The following HS3ST4 variants were observed in gnomAD, a reference collection of about 807,000 sequenced individuals.
HS3ST4 encodes the protein heparan sulfate-glucosamine 3-sulfotransferase 4.
A neutral mutation model predicts 29.2 loss-of-function variants in HS3ST4; 17 were observed. That is an observed-to-expected ratio of 0.58 (90% CI 0.40 to 0.87). HS3ST4 has a LOEUF of 0.87. HS3ST4 is among the 40% of genes least tolerant of loss of function. HS3ST4 has a pLI of 0.00. For missense variants in HS3ST4, 627 were observed against 634.5 expected (o/e 0.99, Z 0.13); for synonymous variants, 314 against 285.7 (o/e 1.10, Z -1.00).
At chr16:25,935,911 G>T (rs1293622168) in intron 1 of HS3ST4, among the ~76,000 whole-genome samples, 1 of 151,654 alleles carries the variant, frequency 6.6e-6, no homozygotes, top group African/African-American at 2.4e-5. Flanking sequence ...TGAGATACTA[G>T]ACTTTTTTTT....
At chr16:25,878,388 T>C (rs894218384) in intron 1 of HS3ST4, among the ~76,000 whole-genome samples, 9 of 152,142 alleles carry the variant, frequency 5.9e-5, no homozygotes, top group Non-Finnish European at 1.0e-4. Context: ...ATCACTTCTC[T>C]CATTACGTTT....
Position 25,799,775 on chromosome 16 carries a change from C to T in HS3ST4, c.734+106624C>T, listed in dbSNP as rs117153944. Among the ~76,000 whole-genome samples, 645 of 152,200 alleles carry T rather than the reference C, an allele frequency of 4.2e-3. 2 individuals carry two copies. The highest frequency in any genetic ancestry group is 6.0e-3 in the Non-Finnish European group (405 of 68,018). On this transcript the variant is annotated intron_variant, in intron 1 of 1. Transcript: ENST00000331351. ...ATAAAGTTCTTAGAATTCTGCCTGC[C>T]GTGTATTAAGTGCTTAATGTTGATA...
intron 1 of HS3ST4, among the ~76,000 whole-genome samples, chr16:25,705,187 C>T (rs186362257): frequency 3.3e-5 from 5 of 152,298 alleles, no homozygotes; most frequent in East Asian, 1.9e-4. Context: ...GGCCATGACA[C>T]GGGGGCCCCC....
chr16:25,778,700 A>C (rs1307865582), intron 1 of HS3ST4, among the ~76,000 whole-genome samples: 2 of 152,112 alleles, frequency 1.3e-5, no homozygotes, highest in Non-Finnish European at 2.9e-5. Flanking sequence ...AAGAAGAAGA[A>C]AGAGGAGGAG....
rs758229344 is a variant in HS3ST4 at position 25,899,838 on chromosome 16, GA to G, written c.734+206688del. Among the ~76,000 whole-genome samples, 73 of 152,224 alleles carry G rather than the reference GA, an allele frequency of 4.8e-4. 1 individual carries two copies. Among genetic ancestry groups the G allele is most frequent in the Non-Finnish European group, 8.4e-4 (57 of 68,024 alleles). The stretch of plus-strand genomic sequence containing the variant: ...CTCTTCCTGTCTTAAAGGCAAATGT[GA>G]GAACTCCTTCAGTGGCAGCCTGCTG... On this transcript the variant is annotated intron_variant, in intron 1 of 1. Transcript: ENST00000331351.
At chr16:26,002,818 G>T (rs1969224171) in intron 1 of HS3ST4, among the ~76,000 whole-genome samples, 1 of 151,572 alleles carries the variant, frequency 6.6e-6, no homozygotes. Context: ...AAAGAAAAAA[G>T]AAAGAAAGAA....
chr16:25,870,217 C>T (rs1299311668), intron 1 of HS3ST4, among the ~76,000 whole-genome samples: 2 of 152,150 alleles, frequency 1.3e-5, no homozygotes, highest in Non-Finnish European at 2.9e-5. Context: ...TCCATCCATC[C>T]ATCCATCTAT....
intron 1 of HS3ST4, among the ~76,000 whole-genome samples, chr16:26,030,798 A>C (rs1282505145): frequency 6.6e-6 from 1 of 152,200 alleles, no homozygotes. Context: ...TCTCTTCTAC[A>C]TACAAGCTAT....
intron 1 of HS3ST4, among the ~76,000 whole-genome samples, chr16:25,996,882 A>G (rs1371578001): frequency 1.3e-5 from 2 of 152,130 alleles, no homozygotes; most frequent in African/African-American, 4.8e-5. Context: ...GACATAATAG[A>G]TCTTCCATTT....
At chr16:25,857,704 C>CT (rs1967587450) in intron 1 of HS3ST4, among the ~76,000 whole-genome samples, 6 of 151,982 alleles carry the variant, frequency 3.9e-5, no homozygotes, top group Admixed American at 2.6e-4. Context: ...TTAATTTACG[C>CT]CTTGTTGGTA....
chr16:25,742,648 C>T (rs565536533), intron 1 of HS3ST4, among the ~76,000 whole-genome samples: 1 of 152,292 alleles, frequency 6.6e-6, no homozygotes, highest in Admixed American at 6.5e-5. Context: ...ATCAGTCAGC[C>T]TTTTGAAAGT....
chr16:26,016,945 C>T lies in HS3ST4; in HGVS notation c.735-118667C>T, dbSNP rs188503365. 4.6e-5 allele frequency among the ~76,000 whole-genome samples: 7 copies of T among 152,236 alleles called. No homozygotes were observed. In the East Asian group the frequency reaches 1.4e-3, roughly 29 times the overall value. On this transcript the variant is annotated intron_variant, in intron 1 of 1. Transcript: ENST00000331351. ...GCAGGCAAGAGAAAGCCCATATTACCTCCCAACTATTTATTATTCAGCCAC... is the reference window on the plus strand; with the variant it reads ...GCAGGCAAGAGAAAGCCCATATTACTTCCCAACTATTTATTATTCAGCCAC...
chr16:25,725,700 T>A (rs1442763334), intron 1 of HS3ST4, among the ~76,000 whole-genome samples: 3 of 151,010 alleles, frequency 2.0e-5, no homozygotes, highest in South Asian at 2.1e-4. Flanking sequence ...TTATATATAA[T>A]TTAAAAATAT....
chr16:25,965,262 A>G (rs1302113339), intron 1 of HS3ST4, among the ~76,000 whole-genome samples: 1 of 151,920 alleles, frequency 6.6e-6, no homozygotes, highest in African/African-American at 2.4e-5. Flanking sequence ...AGGCAAGTCC[A>G]CTCATGAAGC....
chr16:26,074,329 A>G (rs1052382566), intron 1 of HS3ST4, among the ~76,000 whole-genome samples: 3 of 152,198 alleles, frequency 2.0e-5, no homozygotes, highest in Admixed American at 6.5e-5. Context: ...GAAAAGCTTA[A>G]TATGTTTCCA....
At chr16:25,934,954 C>A (rs1158363332) in intron 1 of HS3ST4, among the ~76,000 whole-genome samples, 1 of 152,100 alleles carries the variant, frequency 6.6e-6, no homozygotes, top group Non-Finnish European at 1.5e-5. Flanking sequence ...GCAATCCCCG[C>A]ATGTTGAGGG....
At chr16:26,017,820 T>C (rs1376525748) in intron 1 of HS3ST4, among the ~76,000 whole-genome samples, 1 of 152,078 alleles carries the variant, frequency 6.6e-6, no homozygotes, top group Non-Finnish European at 1.5e-5. Flanking sequence ...GAGAAGAGCC[T>C]GGGAACAAAT....
intron 1 of HS3ST4, among the ~76,000 whole-genome samples, chr16:26,105,788 C>G (rs560002872): frequency 6.6e-6 from 1 of 152,244 alleles, no homozygotes; most frequent in South Asian, 2.1e-4. Context: ...CTTCTGCATC[C>G]CTGTTCAGAT....
chr16:25,736,794 A>G (rs1365218150), intron 1 of HS3ST4, among the ~76,000 whole-genome samples: 2 of 151,926 alleles, frequency 1.3e-5, no homozygotes, highest in Admixed American at 6.6e-5. Context: ...GTTTCTAAAG[A>G]GTGTTGGGTT....
Sources: gnomAD v4.1 joint callset for allele counts (sites outside exome capture counted in the v4.1 genomes callset) on GRCh38, gnomAD v4.1.1 for gene constraint, MANE v1.5 for transcripts, NCBI Gene and HGNC (gene_info 2026-07-23, HGNC 2026-07-21) for gene names.